The following WWP2 variants were observed in gnomAD, a reference collection of about 807,000 sequenced individuals.
The protein encoded by WWP2 is NEDD4-like E3 ubiquitin-protein ligase WWP2.
A neutral mutation model predicts 121.0 loss-of-function variants in WWP2; 57 were observed. The ratio of observed to expected loss-of-function variants is 0.47; its 90% CI spans 0.38 to 0.59. The LOEUF (loss-of-function observed/expected upper bound fraction) is 0.59, where lower values mean the gene tolerates loss of function less well. Among genes scored for constraint, WWP2 ranks in the 20% least tolerant of loss-of-function variants. The pLI, the probability that WWP2 is intolerant of heterozygous loss-of-function variation, is 0.00. For missense variants in WWP2, 962 were observed against 1,158.9 expected (o/e 0.83, Z 2.47); for synonymous variants, 449 against 441.3 (o/e 1.02, Z -0.22).
At chr16:69,927,900 G>A (rs1238507264) in intron 11 of WWP2, among the ~76,000 whole-genome samples, 2 of 152,204 alleles carry the variant, frequency 1.3e-5, no homozygotes, top group African/African-American at 4.8e-5. Flanking sequence ...GGGCTCGAGC[G>A]ATCCTCCTGC....
At chr16:69,764,343 G>A (rs1257005745) in intron 1 of WWP2, among the ~76,000 whole-genome samples, 1 of 152,166 alleles carries the variant, frequency 6.6e-6, no homozygotes, top group Non-Finnish European at 1.5e-5. Context: ...TGGGACTACA[G>A]GTGGGTGCCA....
chr16:69,843,543 G>A (rs1455488974), intron 6 of WWP2, among the ~76,000 whole-genome samples: 1 of 152,024 alleles, frequency 6.6e-6, no homozygotes, highest in African/African-American at 2.4e-5. Context: ...TATCACTTGC[G>A]GAAAGTAGGT....
intron 4 of WWP2, among the ~76,000 whole-genome samples, chr16:69,831,742 C>G (rs1436388026): frequency 6.6e-6 from 1 of 150,986 alleles, no homozygotes; most frequent in Non-Finnish European, 1.5e-5. Context: ...ATATTTTAAA[C>G]TATATTTTGT....
Position 69,930,214 on chromosome 16 carries a change from C to A in WWP2, c.1401C>A (p.Thr467=). The A allele has an allele frequency of 6.2e-7, 1 of 1,614,080 alleles. No individual in the cohort carries two copies. Among genetic ancestry groups the A allele is most frequent in the South Asian group, 1.1e-5 (1 of 91,052 alleles). ...EGVRYFVDHN[T]RTTTFKDPRP... is the part of the protein sequence containing the mutation. ...TGCGATACTTTGTGGACCACAATAC[C>A]CGCACCACCACCTTTAAGGATCCTC... The change falls in exon 13 of 24, where the codon ACC becomes ACA. Residue 467 remains threonine, a synonymous_variant. Transcript: ENST00000359154.
chr16:69,797,121 T>C (rs2056063958), intron 2 of WWP2, among the ~76,000 whole-genome samples: 1 of 152,130 alleles, frequency 6.6e-6, no homozygotes, highest in Non-Finnish European at 1.5e-5. Context: ...CCACCAGGGG[T>C]AATATACACT....
chr16:69,854,000 A>G (rs1041068925), intron 6 of WWP2, among the ~76,000 whole-genome samples: 3 of 152,230 alleles, frequency 2.0e-5, no homozygotes, highest in African/African-American at 7.2e-5. Flanking sequence ...AGGAGGAATG[A>G]GAACCTAACT....
chr16:69,916,133 C>T (rs1355708564), intron 9 of WWP2, among the ~76,000 whole-genome samples: 1 of 151,982 alleles, frequency 6.6e-6, no homozygotes, highest in Non-Finnish European at 1.5e-5. Context: ...TTTTGTGAGC[C>T]TTGTGTACTT....
chr16:69,812,470 C>A (rs938298801), intron 4 of WWP2, among the ~76,000 whole-genome samples: 22 of 129,488 alleles, frequency 1.7e-4, no homozygotes, highest in African/African-American at 5.2e-4. Context: ...TGCCCCCAAC[C>A]CCCCCCCTTT....
intron 2 of WWP2, among the ~76,000 whole-genome samples, chr16:69,791,289 G>A (rs867944961): frequency 3.6e-4 from 55 of 151,448 alleles, no homozygotes; most frequent in Admixed American, 1.1e-3. Context: ...GTGCAGTGGC[G>A]TGATCTTGGT....
chr16:69,857,655 CTT>C (rs1166811815), intron 6 of WWP2, among the ~76,000 whole-genome samples: 2,880 of 71,738 alleles, frequency 0.04, 59 homozygotes, highest in African/African-American at 0.16. Context: ...AAGGTCAACT[CTT>C]TTTTTTTTTT....
chr16:69,905,613 A>G (rs1224972213), intron 8 of WWP2, among the ~76,000 whole-genome samples: 4 of 152,218 alleles, frequency 2.6e-5, no homozygotes, highest in Admixed American at 1.3e-4. Context: ...CCAAAATCTG[A>G]AACACTTCTG....
intron 6 of WWP2, among the ~76,000 whole-genome samples, chr16:69,860,216 G>T (rs1008187170): frequency 6.6e-6 from 1 of 152,128 alleles, no homozygotes; most frequent in Non-Finnish European, 1.5e-5. Context: ...GAGTCGGGGA[G>T]GTGATGAGTG....
intron 4 of WWP2, among the ~76,000 whole-genome samples, chr16:69,835,822 A>ATTTC (rs2056867017): frequency 6.8e-6 from 1 of 147,066 alleles, no homozygotes; most frequent in African/African-American, 2.5e-5. Flanking sequence ...TTTTTTTTTG[A>ATTTC]GACAGAGTCT....
At chr16:69,848,765 T>G (rs965831916) in intron 6 of WWP2, among the ~76,000 whole-genome samples, 1 of 151,838 alleles carries the variant, frequency 6.6e-6, no homozygotes, top group African/African-American at 2.4e-5. Context: ...TGAGAGAGTG[T>G]GTATGTGTGT....
At chr16:69,888,323 C>T (rs574917465) in intron 8 of WWP2, 74 bp downstream of exon 8, 29 of 1,483,986 alleles carry the variant, frequency 2.0e-5, no homozygotes, top group South Asian at 3.9e-5. Flanking sequence ...GTGGAAACAA[C>T]GTGGTTATTT....
intron 7 of WWP2, among the ~76,000 whole-genome samples, chr16:69,875,272 A>G (rs1009387729): frequency 1.3e-5 from 2 of 152,248 alleles, no homozygotes; most frequent in East Asian, 3.8e-4. Context: ...ATTAAAAAAT[A>G]CTTTATTGCT....
chr16:69,927,951 C>A (rs1039116227), intron 11 of WWP2, among the ~76,000 whole-genome samples: 1 of 152,212 alleles, frequency 6.6e-6, no homozygotes, highest in African/African-American at 2.4e-5. Context: ...CGTGATCCAC[C>A]GTGCCCAGCC....
At position 69,882,875 on chromosome 16, in the gene WWP2, G is replaced by A. The variant is rs144844646; in HGVS notation, c.704-5164G>A. 1.0e-3 allele frequency among the ~76,000 whole-genome samples: 154 copies of A among 152,256 alleles called. 2 individuals are homozygous for A. The highest frequency in any genetic ancestry group is 3.4e-3 in the African/African-American group (141 of 41,552). ...CAGTTAAAAGTTAATACAGCAGACC[G>A]GGTGCGGTGGCTCATGCCTGTACTC... On this transcript the variant is annotated intron_variant, in intron 7 of 23. Transcript: ENST00000359154.
intron 4 of WWP2, among the ~76,000 whole-genome samples, chr16:69,837,393 G>A (rs542055820): frequency 6.6e-6 from 1 of 152,296 alleles, no homozygotes; most frequent in African/African-American, 2.4e-5. Flanking sequence ...GACAAAATGT[G>A]TCTCAAGGTG....
Sources: allele counts gnomAD v4.1 joint callset (sites outside exome capture counted in the v4.1 genomes callset), GRCh38; gene constraint gnomAD v4.1.1; transcripts MANE v1.5; gene names NCBI Gene and HGNC (gene_info 2026-07-23, HGNC 2026-07-21).